Variants in ZNF451 observed in about 807,000 individuals in gnomAD.
ZNF451 encodes zinc finger protein 451, also known as E3 SUMO-protein ligase ZNF451.
Under a neutral mutation model 107.1 loss-of-function variants are expected in ZNF451, and 80 were observed. The observed-to-expected ratio is 0.75, with a 90% confidence interval of 0.62 to 0.90. The LOEUF (loss-of-function observed/expected upper bound fraction) is 0.90. Ranked by LOEUF, ZNF451 falls within the 40% of genes least tolerant of loss-of-function variation. ZNF451 has a pLI of 0.00. For synonymous variants in ZNF451, 362 were observed against 406.5 expected (o/e 0.89, Z 1.32); for missense variants, 1,107 against 1,236.2 (o/e 0.90, Z 1.57).
intron 14 of ZNF451, among the ~76,000 whole-genome samples, chr6:57,162,754 A>T (rs2127988461): frequency 6.6e-6 from 1 of 152,312 alleles, no homozygotes; most frequent in East Asian, 1.9e-4. Context: ...AAGCTATCAC[A>T]GTTTTGTGGG....
At position 57,112,719 on chromosome 6, in the gene ZNF451, G is replaced by T. The variant is rs574184928; in HGVS notation, c.187-12015G>T. On this transcript the variant is annotated intron_variant, in intron 3 of 14. Coordinates refer to ENST00000370706, the MANE Select transcript of ZNF451 (RefSeq NM_001031623.3). The stretch of plus-strand genomic sequence containing the variant: ...TGCTTTCTTCCTAGGTTATATCACC[G>T]TGTGTGGTATATGGAGCAAAATTGT... Among the ~76,000 whole-genome samples, 13 of 152,250 alleles carry T rather than the reference G, an allele frequency of 8.5e-5. No individual in the cohort carries two copies. In the South Asian group the frequency reaches 2.3e-3, roughly 27 times the overall value.
At chr6:57,161,254 C>A in intron 14 of ZNF451, 102 bp downstream of exon 14, 1 of 601,078 alleles carries the variant, frequency 1.7e-6, no homozygotes, top group Non-Finnish European at 2.7e-6. Flanking sequence ...TCCCTTCTAC[C>A]CCCAAGTTAA....
At chr6:57,120,704 CTG>C (rs1830598965) in intron 3 of ZNF451, among the ~76,000 whole-genome samples, 1 of 152,112 alleles carries the variant, frequency 6.6e-6, no homozygotes, top group East Asian at 1.9e-4. Context: ...GGTGAGGTGT[CTG>C]TTTAGCTATT....
Position 57,090,226 on chromosome 6 carries a change from T to G in ZNF451, c.-28T>G. 1 of 1,607,726 alleles carries G rather than the reference T, an allele frequency of 6.2e-7. No homozygotes were observed. The highest frequency in any genetic ancestry group is 8.5e-7 in the Non-Finnish European group (1 of 1,177,826). ...GCGGCGGCAGGGACAGCAGGAGCAGTGGTGCTGTCAGCGCGGCCGTCGGAG... is the reference window on the plus strand; with the variant it reads ...GCGGCGGCAGGGACAGCAGGAGCAGGGGTGCTGTCAGCGCGGCCGTCGGAG... On this transcript the variant is annotated 5_prime_UTR_variant, in exon 1 of 15. Coordinates refer to ENST00000370706, the MANE Select transcript of ZNF451 (RefSeq NM_001031623.3).
At chr6:57,099,490 T>G (rs985236360) in intron 3 of ZNF451, 34 of 717,006 alleles carry the variant, frequency 4.7e-5, no homozygotes, top group Non-Finnish European at 5.5e-5. Flanking sequence ...AACAGGATTC[T>G]TTTGTTCCAG....
chr6:57,120,194 T>G (rs968132417), intron 3 of ZNF451, among the ~76,000 whole-genome samples: 1 of 152,214 alleles, frequency 6.6e-6, no homozygotes, highest in African/African-American at 2.4e-5. Context: ...CAGATTGGCT[T>G]CTTTCACTTA....
chr6:57,148,264 A>G lies in ZNF451; in HGVS notation c.2179A>G (p.Ser727Gly). The change falls in exon 10 of 15, where the codon AGT (serine) becomes GGT (glycine). Residue 727 changes from serine (S) to glycine (G), a missense_variant. This residue lies in a region of ZNF451 where 608 missense variants were observed against 649.2 expected (regional missense o/e 0.94). Transcript: ENST00000370706. ...SNQLTCGCRE[S>G]YICKVNRKED... is the part of the protein sequence containing the mutation. ...CCAGTTAACTTGTGGTTGCCGTGAG[A>G]GTTACATCTGTAAAGTCAACAGAAA... 1 of 1,613,990 alleles carries G rather than the reference A, an allele frequency of 6.2e-7. No individual in the cohort carries two copies. The highest frequency in any genetic ancestry group is 8.5e-7 in the Non-Finnish European group (1 of 1,179,934).
At chr6:57,102,177 C>T in intron 3 of ZNF451, 5 of 1,435,956 alleles carry the variant, frequency 3.5e-6, no homozygotes, top group Non-Finnish European at 3.6e-6. Flanking sequence ...ATAGGATCTA[C>T]AGGTAGGAGA....
At chr6:57,104,496 C>T in intron 3 of ZNF451, 1 of 985,116 alleles carries the variant, frequency 1.0e-6, no homozygotes, top group Middle Eastern at 5.2e-4. Context: ...TATTTCAAAC[C>T]TTAAACTAAA....
chr6:57,090,257 G>A lies in ZNF451; in HGVS notation c.4G>A (p.Gly2Arg), dbSNP rs1320853227. The A allele has an allele frequency of 6.2e-7, 1 of 1,611,188 alleles. No individual in the cohort carries two copies. Among genetic ancestry groups the A allele is most frequent in the Non-Finnish European group, 8.5e-7 (1 of 1,179,462 alleles). The change falls in exon 1 of 15, where the codon GGA becomes AGA. Residue 2 changes from glycine (G) to arginine (R), a missense_variant. By Grantham distance (125) the Gly-to-Arg change is moderately radical (BLOSUM62 -2). Transcript: ENST00000370706. The part of the protein sequence containing the change: M[G>R]DPGSEIIESV... ...TGTCAGCGCGGCCGTCGGAGACATG[G>A]GAGACCCGGGGTCGGAGGTGAGTAG... is the stretch of plus-strand genomic sequence containing the variant.
At chr6:57,108,563 T>C in intron 3 of ZNF451, 1 of 985,406 alleles carries the variant, frequency 1.0e-6, no homozygotes. Flanking sequence ...CTGTTAGGTA[T>C]GCAGCCCGTT....
chr6:57,092,552 C>T (rs1174115848), intron 2 of ZNF451, among the ~76,000 whole-genome samples: 6 of 152,146 alleles, frequency 3.9e-5, no homozygotes, highest in Non-Finnish European at 5.9e-5. Context: ...TTAAGTGGCA[C>T]CACTTACATG....
chr6:57,148,744 C>G (rs550847757), intron 10 of ZNF451, 51 bp downstream of exon 10: 3 of 1,488,234 alleles, frequency 2.0e-6, no homozygotes, highest in African/African-American at 2.8e-5. Flanking sequence ...TTGAAACTTA[C>G]AATGTACCCA....
intron 2 of ZNF451, among the ~76,000 whole-genome samples, chr6:57,095,538 G>A (rs1829253728): frequency 6.6e-6 from 1 of 151,850 alleles, no homozygotes; most frequent in Non-Finnish European, 1.5e-5. Context: ...TCACTGTTCT[G>A]TCCAGGATGG....
chr6:57,158,897 A>G (rs1027189848), intron 13 of ZNF451: 4 of 985,482 alleles, frequency 4.1e-6, no homozygotes, highest in South Asian at 4.7e-5. Flanking sequence ...AGTCATACCA[A>G]TTACACAGAT....
intron 8 of ZNF451, 143 bp from the exon 9 acceptor site, chr6:57,141,805 G>A (rs1183772455): frequency 1.4e-6 from 1 of 697,434 alleles, no homozygotes; most frequent in Non-Finnish European, 2.3e-6. Context: ...AGGCTAGAAA[G>A]TGGCTTCCCT....
chr6:57,134,715 T>C lies in ZNF451; in HGVS notation c.576-29T>C, dbSNP rs368033327. Reference sequence around the variant, plus strand: ...TTCCCTAGAATGTAGATTTATCTAATATTACCTCTTACCTCTTTTGCTGAG... The same window carrying C: ...TTCCCTAGAATGTAGATTTATCTAACATTACCTCTTACCTCTTTTGCTGAG... On this transcript the variant is annotated intron_variant, in intron 6 of 14. Coordinates refer to ENST00000370706, the MANE Select transcript of ZNF451 (RefSeq NM_001031623.3). 1.7e-5 allele frequency: 28 copies of C among 1,601,238 alleles called. 1 individual carries two copies. The highest frequency in any genetic ancestry group is 2.3e-5 in the Non-Finnish European group (27 of 1,174,168).
At chr6:57,095,811 T>TG (rs200661325) in intron 2 of ZNF451, among the ~76,000 whole-genome samples, 1,912 of 130,894 alleles carry the variant, frequency 0.015, 42 homozygotes, top group African/African-American at 0.049. Context: ...GCAGCTTTTT[T>TG]TTTTTGTTGT....
chr6:57,127,600 A>G (rs1180729473), intron 4 of ZNF451, among the ~76,000 whole-genome samples: 3 of 152,178 alleles, frequency 2.0e-5, no homozygotes, highest in Non-Finnish European at 4.4e-5. Flanking sequence ...GAGAGGCAGT[A>G]TGATTATACT....
Sources: allele counts gnomAD v4.1 joint callset (sites outside exome capture counted in the v4.1 genomes callset), GRCh38; gene constraint gnomAD v4.1.1; regional missense constraint gnomAD v4.1.1; transcripts MANE v1.5; gene names NCBI Gene and HGNC (gene_info 2026-07-23, HGNC 2026-07-21).